FAT3: variants seen among roughly 807,000 people sequenced by gnomAD.
The protein encoded by FAT3 is protocadherin Fat 3.
Under a neutral mutation model 310.2 loss-of-function variants are expected in FAT3, and 95 were observed. The ratio of observed to expected loss-of-function variants is 0.31; its 90% confidence interval spans 0.26 to 0.36. The LOEUF is 0.36. FAT3 is among the 10% of genes least tolerant of loss of function. The pLI is 1.00. For missense variants in FAT3, 5,408 were observed against 5,715.6 expected, an observed-to-expected ratio of 0.95 and a Z score of 1.74; for synonymous variants, 2,314 against 2,192.9, an observed-to-expected ratio of 1.06 and a Z score of -1.54.
intron 3 of FAT3, among the ~76,000 whole-genome samples, chr11:92,624,705 A>T (rs187070244): frequency 6.6e-6 from 1 of 152,300 alleles, no homozygotes; most frequent in Non-Finnish European, 1.5e-5. Context: ...GAAATGTCAG[A>T]GTCTGGCTTG....
At position 92,715,979 on chromosome 11, in the gene FAT3, T is replaced by C. The variant is rs1194519158; in HGVS notation, c.3669+18534T>C. ...GAAGTAGTTTCGACTAGATACTTGA[T>C]GAAATACAGAACCATAAAAGGTTTT... On this transcript the variant is annotated intron_variant, in intron 4 of 27. Transcript: ENST00000525166. Among the ~76,000 whole-genome samples the C allele has an allele frequency of 2.0e-5, 3 of 152,074 alleles. No individual in the cohort carries two copies. The East Asian group carries it at 5.8e-4, about 29-fold the overall frequency.
intron 6 of FAT3, among the ~76,000 whole-genome samples, chr11:92,765,700 A>G (rs1314919909): frequency 2.0e-5 from 3 of 151,956 alleles, no homozygotes; most frequent in Non-Finnish European, 2.9e-5. Context: ...TGCAGCCCAC[A>G]GATTTCATAT....
At chr11:92,537,053 T>C (rs1486820232) in intron 3 of FAT3, among the ~76,000 whole-genome samples, 1 of 152,192 alleles carries the variant, frequency 6.6e-6, no homozygotes, top group Non-Finnish European at 1.5e-5. Context: ...ACCTGCTGTG[T>C]GTACTGCTAC....
chr11:92,387,576 T>C (rs1949654285), intron 2 of FAT3, among the ~76,000 whole-genome samples: 1 of 152,168 alleles, frequency 6.6e-6, no homozygotes, highest in South Asian at 2.1e-4. Flanking sequence ...CCAGTGGTTG[T>C]GTCTGTGTCT....
intron 1 of FAT3, among the ~76,000 whole-genome samples, chr11:92,273,995 G>A (rs986386683): frequency 8.5e-5 from 13 of 152,078 alleles, no homozygotes; most frequent in African/African-American, 2.9e-4. Flanking sequence ...GGTTTTTATA[G>A]CGCATAATGA....
At position 92,799,832 on chromosome 11, in the gene FAT3, T is replaced by G. The variant is rs758598870; in HGVS notation, c.6819T>G (p.Val2273=). The stretch of plus-strand genomic sequence containing the variant: ...CTGGTGCTAGGGCTGAAGTCACTGT[T>G]GACTTGCTAGTTAATGATGTAAATG... The part of the protein sequence containing the change: ...ALTGARAEVT[V]DLLVNDVNDN... Residue 2273 remains valine, a synonymous_variant, in exon 10 of 28, where the codon GTT becomes GTG. Coordinates refer to ENST00000525166, the MANE Select transcript of FAT3 (RefSeq NM_001367949.2). 19 of 1,613,418 alleles carry G rather than the reference T, an allele frequency of 1.2e-5. No individual in the cohort carries two copies. In the South Asian group the frequency reaches 2.0e-4, roughly 17 times the overall value.
In FAT3 at chr11:92,806,404, A is replaced by G. The variant is rs752304278; in HGVS notation, c.9136A>G (p.Lys3046Glu). 6.3e-6 allele frequency: 10 copies of G among 1,598,092 alleles called. No homozygotes were observed. The highest frequency in any genetic ancestry group is 7.7e-6 in the Non-Finnish European group (9 of 1,171,312). The change falls in exon 12 of 28, where the codon AAA (lysine) becomes GAA (glutamate). Residue 3046 changes from lysine to glutamate, a missense_variant. Physicochemically the swap from Lys to Glu is moderately conservative, Grantham distance 56. Transcript: ENST00000525166. ...ACTTCCTGAAGACATTCCATCAAAT[A>G]AAATCATCCTGAAAGTCAGTGCAAA... ...ALLPEDIPSN[K>E]IILKVSAKDA...
At chr11:92,726,167 A>G (rs1445170511) in intron 4 of FAT3, among the ~76,000 whole-genome samples, 1 of 152,200 alleles carries the variant, frequency 6.6e-6, no homozygotes, top group African/African-American at 2.4e-5. Context: ...TTAATAAAAG[A>G]TCAACTATAA....
intron 1 of FAT3, among the ~76,000 whole-genome samples, chr11:92,251,379 AT>A (rs1279166586): frequency 1.3e-5 from 2 of 152,128 alleles, no homozygotes. Flanking sequence ...AGTGCATCCA[AT>A]TATTTGTCTT....
At chr11:92,287,324 C>T (rs556848644) in intron 1 of FAT3, among the ~76,000 whole-genome samples, 2 of 152,004 alleles carry the variant, frequency 1.3e-5, no homozygotes, top group Non-Finnish European at 2.9e-5. Flanking sequence ...GGCAGAAGAT[C>T]GTTTAAGTGG....
At chr11:92,651,722 T>A (rs1942385580) in intron 3 of FAT3, among the ~76,000 whole-genome samples, 1 of 152,124 alleles carries the variant, frequency 6.6e-6, no homozygotes, top group African/African-American at 2.4e-5. Flanking sequence ...AGATTTCCAG[T>A]TTTTCCTCCA....
rs1353768208 is a variant in FAT3 at position 92,883,019 on chromosome 11, A to T, written c.12563A>T (p.Asn4188Ile). The T allele has an allele frequency of 6.2e-7, 1 of 1,613,924 alleles. No individual in the cohort carries two copies. Among genetic ancestry groups the T allele is most frequent in the Non-Finnish European group, 8.5e-7 (1 of 1,179,888 alleles). ...TTCCGCAAGAACTACTCCCGCAACAACATCACGCTAGTGCAGGACCCGGCC... is the reference window on the plus strand; with the variant it reads ...TTCCGCAAGAACTACTCCCGCAACATCATCACGCTAGTGCAGGACCCGGCC... ...KVFRKNYSRNNITLVQDPATA... is the reference protein window; with the variant it reads ...KVFRKNYSRNIITLVQDPATA... Residue 4188 changes from asparagine (N) to isoleucine (I), a missense_variant, in exon 24 of 28, where the codon AAC becomes ATC. Asn to Ile is a moderately radical substitution (Grantham distance 149). This residue lies in a region of FAT3 where 649 missense variants were observed against 666.2 expected (regional missense o/e 0.97). Transcript: ENST00000525166. This position sits in a 1 kb window ranked among gnomAD's most constrained non-coding sequence, Gnocchi z 4.2.
intron 3 of FAT3, among the ~76,000 whole-genome samples, chr11:92,581,235 G>A (rs1938781764): frequency 6.6e-6 from 1 of 152,018 alleles, no homozygotes; most frequent in African/African-American, 2.4e-5. Flanking sequence ...CCCTGTGTAA[G>A]TAGCAAGTCA....
chr11:92,384,788 T>C (rs1208779347), intron 2 of FAT3, among the ~76,000 whole-genome samples: 1 of 152,222 alleles, frequency 6.6e-6, no homozygotes, highest in Admixed American at 6.5e-5. Flanking sequence ...TGCCAAGATG[T>C]AGAGAAATCA....
chr11:92,579,001 C>T lies in FAT3; in HGVS notation c.3607+54053C>T, dbSNP rs533938778. Among the ~76,000 whole-genome samples the T allele has an allele frequency of 7.0e-4, 106 of 152,178 alleles. 1 individual carries two copies. The highest frequency in any genetic ancestry group is 1.3e-3 in the Non-Finnish European group (87 of 67,996). On this transcript the variant is annotated intron_variant, in intron 3 of 27. Transcript: ENST00000525166. The stretch of plus-strand genomic sequence containing the variant: ...ACTGGAATGGTATTACTTATAAGGA[C>T]ATTTCTAAGTTTCACTAAGACAGTT...
At position 92,837,876 on chromosome 11, in the gene FAT3, C is replaced by T. The variant is rs1035887215; in HGVS notation, c.10368+70C>T. 2.5e-6 allele frequency: 4 copies of T among 1,587,816 alleles called. No homozygotes were observed. The African/African-American group carries it at 5.4e-5, about 21-fold the overall frequency. On this transcript the variant is annotated intron_variant, in intron 17 of 27. Transcript: ENST00000525166. ...CTTTCTTCCTCTGCTGTGGTTTACTCATTGTGGTTTATTGCTACTATTACT... is the reference window on the plus strand; with the variant it reads ...CTTTCTTCCTCTGCTGTGGTTTACTTATTGTGGTTTATTGCTACTATTACT...
chr11:92,885,702 T>A (rs1000437817), intron 24 of FAT3, among the ~76,000 whole-genome samples: 1 of 152,122 alleles, frequency 6.6e-6, no homozygotes, highest in African/African-American at 2.4e-5. Context: ...AGTTAATAAA[T>A]GAAGGAGTGG....
chr11:92,659,429 A>G (rs1400753114), intron 3 of FAT3, among the ~76,000 whole-genome samples: 7 of 152,334 alleles, frequency 4.6e-5, no homozygotes, highest in Non-Finnish European at 1.0e-4. Flanking sequence ...TGGGAAAATT[A>G]CTTTTTTACT....
chr11:92,728,104 C>A (rs745908950), intron 4 of FAT3, among the ~76,000 whole-genome samples: 4 of 152,126 alleles, frequency 2.6e-5, no homozygotes, highest in Non-Finnish European at 5.9e-5. Context: ...ATCCCAAATA[C>A]CATCTTCATT....
Sources: allele counts gnomAD v4.1 joint callset (sites outside exome capture counted in the v4.1 genomes callset), GRCh38; gene constraint gnomAD v4.1.1; regional missense constraint gnomAD v4.1.1; non-coding constraint Gnocchi (gnomAD v3.1); transcripts MANE v1.5; gene names NCBI Gene and HGNC (gene_info 2026-07-23, HGNC 2026-07-21).